ZNF800: variants seen among roughly 807,000 people sequenced by gnomAD.
ZNF800 encodes zinc finger protein 800.
A neutral mutation model predicts 59.5 loss-of-function variants in ZNF800; 13 were observed. That is an observed-to-expected ratio of 0.22 (90% CI 0.14 to 0.35). The LOEUF (loss-of-function observed/expected upper bound fraction) is 0.35, where lower values mean the gene tolerates loss of function less well. Among genes scored for constraint, ZNF800 ranks in the 10% least tolerant of loss-of-function variants. ZNF800 has a pLI of 1.00. For synonymous variants in ZNF800, 266 were observed against 265.7 expected (o/e 1.00, Z -0.01); for missense variants, 621 against 783.7 (o/e 0.79, Z 2.48).
chr7:127,369,925 G>T (rs1017165781), downstream of ZNF800: 1 of 152,064 alleles, frequency 6.6e-6, no homozygotes, highest in Admixed American at 6.6e-5. Context: ...ATGCTGCAAA[G>T]AGCAACCCCT....
At chr7:127,355,403 G>T in intron 1 of ZNF800, among the ~76,000 whole-genome samples, 1 of 152,024 alleles carries the variant, frequency 6.6e-6, no homozygotes, top group East Asian at 1.9e-4. Context: ...GTCTCAAAGG[G>T]CTTAGTCTAA....
In ZNF800 at chr7:127,377,427, A is replaced by G; in HGVS notation, c.158-98T>C. 1.0e-6 allele frequency: 1 copy of G among 987,354 alleles called. No homozygotes were observed. The highest frequency in any genetic ancestry group is 1.4e-6 in the Non-Finnish European group (1 of 693,186). 61.2% of individuals were successfully genotyped at this position (987,354 alleles called of 1,614,324 possible). ...CTGTTGACAGACCAAAAGTGCAGTT[A>G]CTCTTTGAAAACAAAATATAGGCAT... On this transcript the variant is annotated intron_variant, in intron 3 of 5. Transcript: ENST00000265827. The surrounding 1 kb of genome is among the most constrained non-coding windows in gnomAD (Gnocchi z 4.7).
chr7:127,356,958 C>T (rs550620374), intron 1 of ZNF800, among the ~76,000 whole-genome samples: 7 of 152,062 alleles, frequency 4.6e-5, no homozygotes, highest in Non-Finnish European at 8.8e-5. Context: ...CCTTTAAAGG[C>T]ATATTTTAAA....
chr7:127,348,560 G>A (rs542999702), intron 1 of ZNF800, among the ~76,000 whole-genome samples: 1 of 152,146 alleles, frequency 6.6e-6, no homozygotes, highest in African/African-American at 2.4e-5. Context: ...ATATGGAAAA[G>A]AATTGATACT....
chr7:127,365,505 T>C (rs777522883), downstream of ZNF800, among the ~76,000 whole-genome samples: 4 of 152,054 alleles, frequency 2.6e-5, no homozygotes, highest in Non-Finnish European at 4.4e-5. Flanking sequence ...AATTCTTGCT[T>C]GTAATCTCAA....
Position 127,373,441 on chromosome 7 carries a change from T to A in ZNF800, c.1895A>T (p.Tyr632Phe), listed in dbSNP as rs767031632. Residue 632 changes from tyrosine (Y) to phenylalanine (F), a missense_variant, in exon 5 of 6, where the codon TAC (tyrosine) becomes TTC (phenylalanine). By Grantham distance (22) the Tyr-to-Phe change is conservative. Transcript: ENST00000265827. Reference sequence around the variant, plus strand: ...ATGAGTTTTCTTATGATGTTCAAGGTAAGTCTTTTTGGCAAATGCCTTTCC... The same window carrying A: ...ATGAGTTTTCTTATGATGTTCAAGGAAAGTCTTTTTGGCAAATGCCTTTCC... ...KCGKAFAKKT[Y>F]LEHHKKTHKA... The A allele has an allele frequency of 4.3e-6, 7 of 1,614,152 alleles. No homozygotes were observed. In the East Asian group the frequency reaches 1.6e-4, roughly 36 times the overall value.
chr7:127,366,064 T>C (rs1033690132), downstream of ZNF800, among the ~76,000 whole-genome samples: 1 of 151,958 alleles, frequency 6.6e-6, no homozygotes, highest in Admixed American at 6.6e-5. Flanking sequence ...GACAGGAAAA[T>C]TGAAGCTTAG....
intron 3 of ZNF800, among the ~76,000 whole-genome samples, chr7:127,378,246 A>C (rs1461961882): frequency 2.0e-5 from 3 of 152,082 alleles, no homozygotes; most frequent in Admixed American, 1.3e-4. Context: ...GCAGAGAAAA[A>C]ATAAATGGTA....
At chr7:127,365,007 CTTTG>C (rs991578623) in intron 1 of ZNF800, among the ~76,000 whole-genome samples, 5 of 152,032 alleles carry the variant, frequency 3.3e-5, no homozygotes, top group South Asian at 4.1e-4. Context: ...TGTGGGCATG[CTTTG>C]TTTGGATCTG....
chr7:127,380,082 G>T (rs895982515), intron 3 of ZNF800, among the ~76,000 whole-genome samples: 3 of 151,692 alleles, frequency 2.0e-5, no homozygotes, highest in African/African-American at 7.3e-5. Context: ...TCCCAGTATA[G>T]ATGTCACTTC....
chr7:127,343,660 A>AT (rs1800007248), downstream of ZNF800, among the ~76,000 whole-genome samples: 1 of 152,004 alleles, frequency 6.6e-6, no homozygotes, highest in African/African-American at 2.4e-5. Context: ...AAGCTGATAA[A>AT]GGTAGAATTC....
At chr7:127,364,030 A>G (rs1163424299) in intron 1 of ZNF800, 3 of 152,148 alleles carry the variant, frequency 2.0e-5, no homozygotes, top group East Asian at 1.9e-4. Flanking sequence ...CTATCTCATT[A>G]GAAGATTTCA....
intron 1 of ZNF800, among the ~76,000 whole-genome samples, chr7:127,359,040 C>T (rs959877295): frequency 1.3e-5 from 2 of 152,076 alleles, no homozygotes; most frequent in African/African-American, 4.8e-5. Context: ...AATCTTCAAC[C>T]TTTAAAAGGC....
chr7:127,367,715 C>G (rs11563634), downstream of ZNF800, among the ~76,000 whole-genome samples: 23,114 of 152,058 alleles, frequency 0.15, 1,861 homozygotes, highest in Middle Eastern at 0.22. Flanking sequence ...ACATGGTGTA[C>G]AATTTAGAGA....
Position 127,374,484 on chromosome 7 carries a change from T to A in ZNF800, c.852A>T (p.Pro284=). 1 of 1,614,146 alleles carries A rather than the reference T, an allele frequency of 6.2e-7. No homozygotes were observed. The highest frequency in any genetic ancestry group is 1.1e-5 in the South Asian group (1 of 91,088). The change falls in exon 5 of 6, where the codon CCA becomes CCT. Residue 284 remains proline (P), a synonymous_variant. Coordinates refer to ENST00000265827, the MANE Select transcript of ZNF800 (RefSeq NM_176814.5). ...AACATACTGGACAACTCCTACTTAATGGAACTAGAACATTCTTACTGCGTC... is the reference window on the plus strand; with the variant it reads ...AACATACTGGACAACTCCTACTTAAAGGAACTAGAACATTCTTACTGCGTC... ...SKGRSKNVLV[P]LSRSCPVCCK...
At chr7:127,391,985 C>T in intron 1 of ZNF800, 75 bp downstream of exon 1, 1 of 383,248 alleles carries the variant, frequency 2.6e-6, no homozygotes, top group Non-Finnish European at 4.6e-6. Context: ...CCACGCCGCG[C>T]CCTCCCGCTA....
chr7:127,377,343 GA>G lies in ZNF800; in HGVS notation c.158-15del. The G allele has an allele frequency of 6.3e-7, 1 of 1,576,510 alleles. No homozygotes were observed. Among genetic ancestry groups the G allele is most frequent in the Non-Finnish European group, 8.6e-7 (1 of 1,162,156 alleles). ...GTTGTTTAGTTCCTGAGAGAAAAAAGAAAAGAAAAACTTAACACAAAAGGTA... is the reference window on the plus strand; with the variant it reads ...GTTGTTTAGTTCCTGAGAGAAAAAAGAAAGAAAAACTTAACACAAAAGGTA... On this transcript the variant is annotated splice_polypyrimidine_tract_variant and intron_variant, in intron 3 of 5. Coordinates refer to ENST00000265827, the MANE Select transcript of ZNF800 (RefSeq NM_176814.5). This position sits in a 1 kb window ranked among gnomAD's most constrained non-coding sequence, Gnocchi z 4.7.
At chr7:127,391,674 C>A in intron 1 of ZNF800, 59 bp from the exon 2 acceptor site, 1 of 854,092 alleles carries the variant, frequency 1.2e-6, no homozygotes. Flanking sequence ...GCACTGGCTG[C>A]ATTTTCCAGA....
chr7:127,380,272 C>T (rs1263208969), intron 3 of ZNF800, among the ~76,000 whole-genome samples: 1 of 152,182 alleles, frequency 6.6e-6, no homozygotes, highest in African/African-American at 2.4e-5. Flanking sequence ...ATTCTTGATG[C>T]TCACCGCTAC....
Sources: gnomAD v4.1 joint callset for allele counts (sites outside exome capture counted in the v4.1 genomes callset) on GRCh38, gnomAD v4.1.1 for gene constraint, Gnocchi (gnomAD v3.1) non-coding constraint, MANE v1.5 for transcripts, NCBI Gene and HGNC (gene_info 2026-07-23, HGNC 2026-07-21) for gene names.